The following PFKP variants were observed in gnomAD, a reference collection of about 807,000 sequenced individuals.
The protein encoded by PFKP is phosphofructokinase, platelet.
Under a neutral mutation model 94.3 loss-of-function variants are expected in PFKP, and 101 were observed. The observed-to-expected ratio is 1.07, with a 90% CI of 0.91 to 1.26. PFKP has a LOEUF of 1.26. PFKP is among the 50% of genes most tolerant of loss of function. The pLI is 0.00. For synonymous variants in PFKP, 573 were observed against 432.6 expected, an observed-to-expected ratio of 1.32 and a Z score of -4.03; for missense variants, 1,145 against 1,103.3, an observed-to-expected ratio of 1.04 and a Z score of -0.53.
At position 3,134,707 on chromosome 10, in the gene PFKP, G is replaced by C. The variant is rs188100784; in HGVS notation, c.2122+125G>C. 2.2e-5 allele frequency: 14 copies of C among 631,190 alleles called. No homozygotes were observed. In the Admixed American group the frequency reaches 3.3e-4, roughly 15 times the overall value. 39.1% of individuals were successfully genotyped at this position (631,190 alleles called of 1,614,324 possible). A position where few individuals can be genotyped will look rare whatever the true frequency, so the allele number is the denominator to read the frequency against. On this transcript the variant is annotated intron_variant, in intron 20 of 21. Transcript: ENST00000381125. ...TCTTCAGTTCAGTACTGAGCTGCACGTGATGTTTTACTCCTGATCTCTGAG... is the reference window on the plus strand; with the variant it reads ...TCTTCAGTTCAGTACTGAGCTGCACCTGATGTTTTACTCCTGATCTCTGAG...
At chr10:3,118,977 T>G in intron 15 of PFKP, 108 bp downstream of exon 15, 1 of 768,196 alleles carries the variant, frequency 1.3e-6, no homozygotes, top group Non-Finnish European at 2.1e-6. Context: ...AGATGATAGG[T>G]TCCCAGACCC....
chr10:3,133,352 G>A, intron 19 of PFKP, 38 bp downstream of exon 19: 1 of 1,218,190 alleles, frequency 8.2e-7, no homozygotes, highest in African/African-American at 1.5e-5. Context: ...CAAAGCCCCT[G>A]TCATGTGACT....
At chr10:3,130,081 C>T (rs1838404088) in intron 17 of PFKP, 98 bp downstream of exon 17, 4 of 1,078,166 alleles carry the variant, frequency 3.7e-6, no homozygotes, top group Middle Eastern at 2.1e-4. Context: ...TTCCAAGGGG[C>T]ATGGAGATGG....
At chr10:3,069,017 C>T (rs548244024) in intron 1 of PFKP, among the ~76,000 whole-genome samples, 1 of 150,724 alleles carries the variant, frequency 6.6e-6, no homozygotes, top group Non-Finnish European at 1.5e-5. Context: ...GGTTGAGGCG[C>T]TGTGGGCGCC....
intron 16 of PFKP, chr10:3,125,141 C>G: frequency 3.7e-6 from 5 of 1,345,214 alleles, no homozygotes; most frequent in Non-Finnish European, 4.9e-6. Flanking sequence ...GAGGCCGCCA[C>G]CAGGAGCTTT....
At chr10:3,125,104 A>C in intron 16 of PFKP, 1 of 1,304,400 alleles carries the variant, frequency 7.7e-7, no homozygotes, top group Non-Finnish European at 1.0e-6. Context: ...CAGGCTTACA[A>C]GAGTGCGTGC....
intron 21 of PFKP, 118 bp from the exon 22 acceptor site, chr10:3,136,332 A>G: frequency 1.0e-6 from 1 of 985,802 alleles, no homozygotes; most frequent in South Asian, 1.6e-5. Flanking sequence ...CATCTAGTTG[A>G]TTCAGCCGAC....
At chr10:3,132,880 G>A (rs1372920337) in intron 18 of PFKP, among the ~76,000 whole-genome samples, 1 of 149,924 alleles carries the variant, frequency 6.7e-6, no homozygotes, top group Non-Finnish European at 1.5e-5. Context: ...TGGAGATGCA[G>A]GGCACAGGGA....
chr10:3,123,028 G>GCGTCCT (rs941222323), intron 16 of PFKP, among the ~76,000 whole-genome samples: 4 of 152,186 alleles, frequency 2.6e-5, no homozygotes, highest in African/African-American at 9.7e-5. Flanking sequence ...CTGGACACGT[G>GCGTCCT]CGTCCTCGTC....
Position 3,103,868 on chromosome 10 carries a change from G to T in PFKP, c.544G>T (p.Asp182Tyr). The T allele has an allele frequency of 2.5e-6, 4 of 1,614,016 alleles. No individual in the cohort carries two copies. The highest frequency in any genetic ancestry group is 1.1e-5 in the South Asian group (1 of 91,086). ...GSIDNDFCGT[D>Y]MTIGTDSALH... The stretch of plus-strand genomic sequence containing the variant: ...CATCGACAATGATTTCTGCGGCACC[G>T]ACATGACCATCGGCACGGACTCCGC... The change falls in exon 5 of 22, where the codon GAC (aspartate) becomes TAC (tyrosine). Residue 182 changes from aspartate to tyrosine, a missense_variant. Around this residue, in one of 3 missense-constraint regions of PFKP, gnomAD observed 1,119 missense variants for 1,062.8 expected, o/e 1.05. Transcript: ENST00000381125.
intron 13 of PFKP, among the ~76,000 whole-genome samples, chr10:3,115,704 G>GTT: frequency 6.6e-6 from 1 of 152,350 alleles, no homozygotes; most frequent in East Asian, 1.9e-4. Flanking sequence ...TCTCCACGTA[G>GTT]TTAAAGATGC....
chr10:3,074,480 TGGAGA>T (rs902362232), intron 1 of PFKP, among the ~76,000 whole-genome samples: 1 of 151,668 alleles, frequency 6.6e-6, no homozygotes. Flanking sequence ...GGTGGCTTTG[TGGAGA>T]GGAGAGGAGG....
chr10:3,099,075 C>G (rs894523593), intron 2 of PFKP, among the ~76,000 whole-genome samples, 200 bp from the exon 3 acceptor site: 1 of 152,172 alleles, frequency 6.6e-6, no homozygotes, highest in African/African-American at 2.4e-5. Context: ...GGCAGACGTT[C>G]CCATTACTAG....
Position 3,112,205 on chromosome 10 carries a change from C to T in PFKP, c.1090-17C>T, listed in dbSNP as rs1836308175. 6.2e-7 allele frequency: 1 copy of T among 1,606,154 alleles called. No individual in the cohort carries two copies. Among genetic ancestry groups the T allele is most frequent in the Non-Finnish European group, 8.5e-7 (1 of 1,172,906 alleles). ...GTCCTGACACATTCTTTCTTCTTTT[C>T]ATCATTGTTTTAAAAGACTCAGGAT... On this transcript the variant is annotated splice_polypyrimidine_tract_variant and intron_variant, in intron 10 of 21. Coordinates refer to ENST00000381125, the MANE Select transcript of PFKP (RefSeq NM_002627.5).
chr10:3,113,657 A>ACTACTTAT, intron 13 of PFKP, 139 bp downstream of exon 13: 2 of 673,236 alleles, frequency 3.0e-6, no homozygotes, highest in South Asian at 2.0e-5. Flanking sequence ...TGACTGAAGC[A>ACTACTTAT]TTGCTTCTGG....
At position 3,121,811 on chromosome 10, in the gene PFKP, T is replaced by C. The variant is rs1564339210; in HGVS notation, c.1683+1767T>C. Among the ~76,000 whole-genome samples the C allele has an allele frequency of 3.9e-3, 140 of 35,580 alleles. 3 individuals carry two copies. The highest frequency in any genetic ancestry group is 7.9e-3 in the Middle Eastern group (1 of 126). 23.3% of individuals were successfully genotyped at this position (35,580 alleles called of 152,430 possible). ...ACAATTTCTTTTTTTTTCTTTTTTTTTTTTTTTTTTTTTTTTTTTCTTTTT... is the reference window on the plus strand; with the variant it reads ...ACAATTTCTTTTTTTTTCTTTTTTTCTTTTTTTTTTTTTTTTTTTCTTTTT... On this transcript the variant is annotated intron_variant, in intron 16 of 21. Transcript: ENST00000381125.
At chr10:3,127,120 C>A (rs949546195) in intron 16 of PFKP, among the ~76,000 whole-genome samples, 1 of 152,276 alleles carries the variant, frequency 6.6e-6, no homozygotes, top group Non-Finnish European at 1.5e-5. Flanking sequence ...GCCGGAGTGA[C>A]TTGCTATTTT....
At chr10:3,124,438 G>T (rs759861956) in intron 16 of PFKP, among the ~76,000 whole-genome samples, 3 of 152,176 alleles carry the variant, frequency 2.0e-5, no homozygotes, top group African/African-American at 7.2e-5. Context: ...ATACCGGAGC[G>T]CATTTCCCAG....
At chr10:3,090,670 A>G (rs968915849) in intron 2 of PFKP, among the ~76,000 whole-genome samples, 1 of 151,900 alleles carries the variant, frequency 6.6e-6, no homozygotes, top group Non-Finnish European at 1.5e-5. Flanking sequence ...GACTCTCAGG[A>G]TGCGGAGCAG....
Sources: allele counts gnomAD v4.1 joint callset (sites outside exome capture counted in the v4.1 genomes callset), GRCh38; gene constraint gnomAD v4.1.1; regional missense constraint gnomAD v4.1.1; transcripts MANE v1.5; gene names NCBI Gene and HGNC (gene_info 2026-07-23, HGNC 2026-07-21).